Variants in OSBPL3 observed in about 807,000 individuals in gnomAD.
OSBPL3 encodes the protein oxysterol binding protein like 3, also known as oxysterol-binding protein-related protein 3.
OSBPL3 carries 65 observed loss-of-function variants against 120.1 expected under a neutral mutation model. That is an observed-to-expected ratio of 0.54 (90% confidence interval 0.44 to 0.67). The LOEUF is 0.67. Ranked by LOEUF, OSBPL3 falls within the 30% of genes least tolerant of loss-of-function variation. OSBPL3 has a pLI of 0.00. For synonymous variants in OSBPL3, 416 were observed against 402.6 expected, an observed-to-expected ratio of 1.03 and a Z score of -0.40; for missense variants, 1,004 against 1,082.1, an observed-to-expected ratio of 0.93 and a Z score of 1.01.
At chr7:24,890,442 T>G (rs1469701658) in intron 2 of OSBPL3, among the ~76,000 whole-genome samples, 1 of 152,136 alleles carries the variant, frequency 6.6e-6, no homozygotes, top group African/African-American at 2.4e-5. Context: ...CTTTAAAGAC[T>G]GAAGCACAAT....
chr7:24,941,483 C>T (rs1319128126), intron 1 of OSBPL3, among the ~76,000 whole-genome samples: 2 of 152,160 alleles, frequency 1.3e-5, no homozygotes, highest in African/African-American at 4.8e-5. Context: ...GTAGTGAGCT[C>T]TCCCCACTAA....
Position 24,830,843 on chromosome 7 carries a change from C to T in OSBPL3, c.1809G>A (p.Lys603=). 6.2e-7 allele frequency: 1 copy of T among 1,614,130 alleles called. No homozygotes were observed. The highest frequency in any genetic ancestry group is 8.5e-7 in the Non-Finnish European group (1 of 1,179,990). Residue 603 remains lysine, a synonymous_variant, in exon 16 of 23, where the codon AAG becomes AAA. Transcript: ENST00000313367. This position sits in a 1 kb window ranked among gnomAD's most constrained non-coding sequence, Gnocchi z 4.4. ...TTTCTCCAAGAACCGGATTAAATGGCTTGCTTCCAGCTCGGTAGTAGCTAG... is the reference window on the plus strand; with the variant it reads ...TTTCTCCAAGAACCGGATTAAATGGTTTGCTTCCAGCTCGGTAGTAGCTAG... ...YASSYYRAGS[K]PFNPVLGETY...
rs1818124963 is a variant in OSBPL3, at chr7:24,980,102, C to G, written c.-366G>C. 11 of 966,674 alleles carry G rather than the reference C, an allele frequency of 1.1e-5. No homozygotes were observed. Among genetic ancestry groups the G allele is most frequent in the South Asian group, 4.8e-5 (1 of 20,880 alleles). The allele number at this position is 966,674 out of a possible 1,614,324, so 59.9% of individuals were successfully genotyped here. A position where few individuals can be genotyped will look rare whatever the true frequency, so the allele number is the denominator to read the frequency against. On this transcript the variant is annotated 5_prime_UTR_variant, in exon 1 of 23. Coordinates refer to ENST00000313367, the MANE Select transcript of OSBPL3 (RefSeq NM_015550.4). ...CGCTGCGCACCGGCCGCGAAGCGCT[C>G]AAGTCCCCTCTCCCGGGCCGGCTGG...
In OSBPL3 at chr7:24,852,704, T is replaced by C. The variant is rs1799312497; in HGVS notation, c.1028-70A>G. On this transcript the variant is annotated intron_variant, in intron 10 of 22. Transcript: ENST00000313367. This position sits in a 1 kb window ranked among gnomAD's most constrained non-coding sequence, Gnocchi z 4.1. ...TAAAAACAAAATACAGAAAAAAACATATCTCTTATAAAAGAAACAAGCAAA... is the reference window on the plus strand; with the variant it reads ...TAAAAACAAAATACAGAAAAAAACACATCTCTTATAAAAGAAACAAGCAAA... 2.0e-6 allele frequency: 2 copies of C among 1,025,160 alleles called. No homozygotes were observed. The highest frequency in any genetic ancestry group is 1.9e-5 in the South Asian group (1 of 52,128). 63.5% of individuals were successfully genotyped at this position (1,025,160 alleles called of 1,614,324 possible). A position where few individuals can be genotyped will look rare whatever the true frequency, so the allele number is the denominator to read the frequency against.
At position 24,851,803 on chromosome 7, in the gene OSBPL3, T is replaced by A. The variant is rs934594064; in HGVS notation, c.1158+701A>T. Among the ~76,000 whole-genome samples the A allele has an allele frequency of 6.6e-6, 1 of 151,890 alleles. No individual in the cohort carries two copies. The highest frequency in any genetic ancestry group is 1.5e-5 in the Non-Finnish European group (1 of 68,002). On this transcript the variant is annotated intron_variant, in intron 11 of 22. Coordinates refer to ENST00000313367, the MANE Select transcript of OSBPL3 (RefSeq NM_015550.4). The surrounding 1 kb of genome is among the most constrained non-coding windows in gnomAD (Gnocchi z 4.1). ...ATGGCACTTTAATGGAGCCTAACTA[T>A]TCTGAGGAATTAATTGAAACTGATG...
chr7:24,852,428 A>G lies in OSBPL3; in HGVS notation c.1158+76T>C, dbSNP rs1799272132. Reference sequence around the variant, plus strand: ...TTTCTCCTGAATTTTCAACATAATCATGGAAATAGAAATTACAAACCATTC... The same window carrying G: ...TTTCTCCTGAATTTTCAACATAATCGTGGAAATAGAAATTACAAACCATTC... On this transcript the variant is annotated intron_variant, in intron 11 of 22. Coordinates refer to ENST00000313367, the MANE Select transcript of OSBPL3 (RefSeq NM_015550.4). This position sits in a 1 kb window ranked among gnomAD's most constrained non-coding sequence, Gnocchi z 4.1. 1 of 1,257,522 alleles carries G rather than the reference A, an allele frequency of 8.0e-7. No individual in the cohort carries two copies. Among genetic ancestry groups the G allele is most frequent in the African/African-American group, 1.5e-5 (1 of 65,660 alleles). The allele number at this position is 1,257,522 out of a possible 1,614,324, so 77.9% of individuals were successfully genotyped here. A position where few individuals can be genotyped will look rare whatever the true frequency, so the allele number is the denominator to read the frequency against.
At chr7:24,857,335 C>T (rs1176794781) in intron 10 of OSBPL3, among the ~76,000 whole-genome samples, 1 of 152,216 alleles carries the variant, frequency 6.6e-6, no homozygotes, top group Non-Finnish European at 1.5e-5. Context: ...CCATTCAGAA[C>T]ACCTGACCCT....
intron 22 of OSBPL3, among the ~76,000 whole-genome samples, chr7:24,801,747 C>G (rs1792387758): frequency 6.6e-6 from 1 of 152,168 alleles, no homozygotes; most frequent in African/African-American, 2.4e-5. Context: ...ATAATAGCTA[C>G]TGAATGAATT....
At chr7:24,861,510 A>G in intron 10 of OSBPL3, 103 bp downstream of exon 10, 1 of 698,780 alleles carries the variant, frequency 1.4e-6, no homozygotes, top group Non-Finnish European at 2.3e-6. Flanking sequence ...TTAATAGAGC[A>G]GAAAATGAAC....
chr7:24,924,462 G>T (rs939767925), intron 1 of OSBPL3, among the ~76,000 whole-genome samples: 1 of 152,188 alleles, frequency 6.6e-6, no homozygotes, highest in Non-Finnish European at 1.5e-5. Flanking sequence ...TTTTGTACTT[G>T]TGACTTTCCT....
chr7:24,819,653 G>A lies in OSBPL3; in HGVS notation c.1948+522C>T, dbSNP rs1250220176. Among the ~76,000 whole-genome samples the A allele has an allele frequency of 3.3e-5, 5 of 152,020 alleles. No homozygotes were observed. Among genetic ancestry groups the A allele is most frequent in the Non-Finnish European group, 5.9e-5 (4 of 68,020 alleles). On this transcript the variant is annotated intron_variant, in intron 17 of 22. Transcript: ENST00000313367. The surrounding 1 kb of genome is among the most constrained non-coding windows in gnomAD (Gnocchi z 4.1). The stretch of plus-strand genomic sequence containing the variant: ...GTCCAAAAACCTAGGATGCTTATAT[G>A]TTCCTTCTACAGTACACTTTTTTTT...
At chr7:24,979,854 G>A in intron 1 of OSBPL3, 32 bp downstream of exon 1, 1 of 982,360 alleles carries the variant, frequency 1.0e-6, no homozygotes, top group Non-Finnish European at 1.2e-6. Context: ...CCGACACCCA[G>A]GCCCCATTTA....
intron 5 of OSBPL3, among the ~76,000 whole-genome samples, chr7:24,868,225 G>A (rs2128274174): frequency 6.6e-6 from 1 of 151,924 alleles, no homozygotes; most frequent in Non-Finnish European, 1.5e-5. Flanking sequence ...TCTGAGGCAG[G>A]AGAATCGCTT....
chr7:24,960,446 A>G (rs1050189326), intron 1 of OSBPL3, among the ~76,000 whole-genome samples: 1 of 152,236 alleles, frequency 6.6e-6, no homozygotes, highest in African/African-American at 2.4e-5. Context: ...CAGAGCAGAA[A>G]TAAATGTGGA....
At chr7:24,919,223 C>T (rs1810081869) in intron 1 of OSBPL3, among the ~76,000 whole-genome samples, 1 of 152,062 alleles carries the variant, frequency 6.6e-6, no homozygotes, top group Non-Finnish European at 1.5e-5. Context: ...ATAATCTTTT[C>T]GAAGTTGGAG....
intron 2 of OSBPL3, among the ~76,000 whole-genome samples, chr7:24,875,304 A>G (rs981928236): frequency 6.6e-6 from 1 of 152,160 alleles, no homozygotes; most frequent in Non-Finnish European, 1.5e-5. Context: ...AGAGAACGAT[A>G]TTGCTGAAGG....
rs553914969 is a variant in OSBPL3 at position 24,881,796 on chromosome 7, C to T, written c.97-9727G>A. ...TCAAAGTGTTGGCAGGTCCACGCTC[C>T]CTCTGGAGGATCTCAGGGGGATTCA... On this transcript the variant is annotated intron_variant, in intron 2 of 22. Coordinates refer to ENST00000313367, the MANE Select transcript of OSBPL3 (RefSeq NM_015550.4). The surrounding 1 kb of genome is among the most constrained non-coding windows in gnomAD (Gnocchi z 4.3). 6.6e-6 allele frequency among the ~76,000 whole-genome samples: 1 copy of T among 152,304 alleles called. No homozygotes were observed. Among genetic ancestry groups the T allele is most frequent in the South Asian group, 2.1e-4 (1 of 4,822 alleles).
chr7:24,893,687 C>A (rs1160746042), intron 1 of OSBPL3, among the ~76,000 whole-genome samples: 1 of 136,522 alleles, frequency 7.3e-6, no homozygotes, highest in Non-Finnish European at 1.5e-5. Flanking sequence ...TAGTGGGTGC[C>A]TGTAATCCCA....
Position 24,845,461 on chromosome 7 carries a change from A to G in OSBPL3, c.1267-3048T>C, listed in dbSNP as rs202067966. On this transcript the variant is annotated intron_variant, in intron 12 of 22. Transcript: ENST00000313367. ...TTTGTGTGTATGTGTGTGTGTGTGTATGTGTGTGTGTGTGAATTATGGCCT... is the reference window on the plus strand; with the variant it reads ...TTTGTGTGTATGTGTGTGTGTGTGTGTGTGTGTGTGTGTGAATTATGGCCT... Among the ~76,000 whole-genome samples, 64 of 137,086 alleles carry G rather than the reference A, an allele frequency of 4.7e-4. 1 individual carries two copies. Among genetic ancestry groups the G allele is most frequent in the South Asian group, 1.6e-3 (7 of 4,262 alleles). The allele number at this position is 137,086 out of a possible 152,430, so 89.9% of individuals were successfully genotyped here. A position where few individuals can be genotyped will look rare whatever the true frequency, so the allele number is the denominator to read the frequency against.
Sources: allele counts gnomAD v4.1 joint callset (sites outside exome capture counted in the v4.1 genomes callset), GRCh38; gene constraint gnomAD v4.1.1; non-coding constraint Gnocchi (gnomAD v3.1); transcripts MANE v1.5; gene names NCBI Gene and HGNC (gene_info 2026-07-23, HGNC 2026-07-21).